Variants in PTPRN2 observed in about 807,000 individuals in gnomAD.
PTPRN2 encodes the protein protein tyrosine phosphatase receptor type N2.
A neutral mutation model predicts 118.8 loss-of-function variants in PTPRN2; 74 were observed. That is an observed-to-expected ratio of 0.62 (90% CI 0.52 to 0.76). The LOEUF is 0.76. Among genes scored for constraint, PTPRN2 ranks in the 30% least tolerant of loss-of-function variants. The probability of loss-of-function intolerance (pLI) is 0.00; values close to 1 mark genes in which losing one functional copy is unlikely to be tolerated. For missense variants in PTPRN2, 1,481 were observed against 1,394.4 expected (o/e 1.06, Z -0.99); for synonymous variants, 641 against 608.0 (o/e 1.05, Z -0.80).
chr7:157,776,222 CCTCCTTCTCATCTTCCTCCCTCCT>C (rs1803219073), intron 12 of PTPRN2, among the ~76,000 whole-genome samples: 1 of 145,464 alleles, frequency 6.9e-6, no homozygotes, highest in Admixed American at 6.8e-5. Flanking sequence ...ATCTCCTCCT[CCTCCTTCTCATCTTCCTCCCTCCT>C]CTCCCTCTCC....
At position 158,107,026 on chromosome 7, in the gene PTPRN2, A is replaced by G. The variant is rs74346267; in HGVS notation, c.1643+3803T>C. ...GTTAATATTTCTTCCCTAGGAACCCAAAACACTGACTGGGAGCTACCTCAC... is the reference window on the plus strand; with the variant it reads ...GTTAATATTTCTTCCCTAGGAACCCGAAACACTGACTGGGAGCTACCTCAC... On this transcript the variant is annotated intron_variant, in intron 10 of 22. Coordinates refer to ENST00000389418, the MANE Select transcript of PTPRN2 (RefSeq NM_002847.5). 9.4e-3 allele frequency among the ~76,000 whole-genome samples: 1,437 copies of G among 152,224 alleles called. 24 individuals are homozygous for G. Among genetic ancestry groups the G allele is most frequent in the African/African-American group, 0.033 (1,376 of 41,504 alleles).
intron 14 of PTPRN2, among the ~76,000 whole-genome samples, chr7:157,653,329 C>G (rs2530405): frequency 0.86 from 131,330 of 152,190 alleles, 56,950 homozygotes; most frequent in Admixed American, 0.91. Flanking sequence ...GTGAGGGGCA[C>G]TGAGGTGGCC....
intron 11 of PTPRN2, 92 bp downstream of exon 11, chr7:158,081,206 T>C (rs1812791999): frequency 7.8e-7 from 1 of 1,289,946 alleles, no homozygotes; most frequent in Non-Finnish European, 1.1e-6. Flanking sequence ...TGTGAGTCTC[T>C]CTCTGCCCTG....
chr7:157,870,799 C>G (rs1467901540), intron 12 of PTPRN2, among the ~76,000 whole-genome samples: 2 of 152,248 alleles, frequency 1.3e-5, no homozygotes, highest in African/African-American at 2.4e-5. Flanking sequence ...GGCCTCGTGC[C>G]AGCCTCCCGC....
intron 11 of PTPRN2, among the ~76,000 whole-genome samples, chr7:157,907,265 C>T (rs959923438): frequency 6.6e-5 from 10 of 152,194 alleles, no homozygotes; most frequent in Non-Finnish European, 1.0e-4. Flanking sequence ...CTGGGCACCA[C>T]GGGAACATTT....
intron 2 of PTPRN2, among the ~76,000 whole-genome samples, chr7:158,407,906 T>C (rs1161849364): frequency 1.3e-5 from 2 of 152,244 alleles, no homozygotes; most frequent in Admixed American, 1.3e-4. Flanking sequence ...TCTCCCACAA[T>C]GTCCAGTGAC....
chr7:157,628,709 CAGT>C (rs1803750230), intron 14 of PTPRN2, among the ~76,000 whole-genome samples: 1 of 152,146 alleles, frequency 6.6e-6, no homozygotes, highest in Non-Finnish European at 1.5e-5. Flanking sequence ...ATGGGAGACA[CAGT>C]AGAAGGTGTG....
intron 5 of PTPRN2, among the ~76,000 whole-genome samples, chr7:158,185,808 A>T (rs1017765348): frequency 2.0e-5 from 3 of 152,214 alleles, no homozygotes; most frequent in African/African-American, 7.2e-5. Context: ...TTTCTGAACC[A>T]TGGGGGAGCT....
chr7:157,718,758 C>T (rs954951834), intron 12 of PTPRN2, among the ~76,000 whole-genome samples: 3 of 150,386 alleles, frequency 2.0e-5, no homozygotes, highest in South Asian at 2.1e-4. Flanking sequence ...TCCATGGCCC[C>T]GGGGTGAGTC....
intron 2 of PTPRN2, among the ~76,000 whole-genome samples, chr7:158,333,734 AC>A (rs1320575743): frequency 1.6e-3 from 241 of 146,702 alleles, no homozygotes; most frequent in South Asian, 3.0e-3. Flanking sequence ...GGTCACTCAC[AC>A]ACATACTCTC....
At chr7:158,410,065 C>T (rs1444192388) in intron 2 of PTPRN2, among the ~76,000 whole-genome samples, 1 of 152,214 alleles carries the variant, frequency 6.6e-6, no homozygotes, top group African/African-American at 2.4e-5. Flanking sequence ...CTTCGGTTTC[C>T]TCCTACGGCT....
chr7:157,597,639 G>A (rs917533121), intron 16 of PTPRN2, among the ~76,000 whole-genome samples: 17 of 152,204 alleles, frequency 1.1e-4, no homozygotes, highest in African/African-American at 4.1e-4. Context: ...GGTGACTGTT[G>A]ATTTAGGTCT....
intron 21 of PTPRN2, among the ~76,000 whole-genome samples, chr7:157,551,649 C>T (rs1488190498): frequency 1.4e-5 from 2 of 147,538 alleles, no homozygotes; most frequent in African/African-American, 2.5e-5. Context: ...CCACACACCC[C>T]ACAGCCATCA....
intron 2 of PTPRN2, among the ~76,000 whole-genome samples, chr7:158,441,200 GAT>G (rs1817105864): frequency 6.9e-6 from 1 of 145,662 alleles, no homozygotes; most frequent in African/African-American, 2.6e-5. Flanking sequence ...TAGTGATGGT[GAT>G]GGTGGTGGTG....
Position 158,587,820 on chromosome 7 carries a change from G to T in PTPRN2, c.-151C>A. 1.3e-6 allele frequency: 1 copy of T among 752,714 alleles called. No homozygotes were observed. The highest frequency in any genetic ancestry group is 5.7e-5 in the South Asian group (1 of 17,590). 46.6% of individuals were successfully genotyped at this position (752,714 alleles called of 1,614,324 possible). On this transcript the variant is annotated 5_prime_UTR_variant, in exon 1 of 23. Transcript: ENST00000389418. ...CGACGCCGGGCCGAGCTTCAGCACC[G>T]GACAGCGCCCGGCCCCGCCCCGGCC...
chr7:158,277,737 C>T (rs1197092234), intron 3 of PTPRN2, among the ~76,000 whole-genome samples: 1 of 152,172 alleles, frequency 6.6e-6, no homozygotes, highest in Non-Finnish European at 1.5e-5. Flanking sequence ...TCCCTACTCC[C>T]TTGCCCGGCC....
chr7:157,701,989 A>G (rs1193676725), intron 12 of PTPRN2, among the ~76,000 whole-genome samples: 1 of 150,124 alleles, frequency 6.7e-6, no homozygotes, highest in Non-Finnish European at 1.5e-5. Flanking sequence ...TTTGTAAGAG[A>G]GCCGGGTAGG....
intron 6 of PTPRN2, among the ~76,000 whole-genome samples, chr7:158,149,434 C>G (rs191685880): frequency 1.3e-4 from 18 of 141,248 alleles, no homozygotes; most frequent in Middle Eastern, 3.6e-3. Context: ...TACCTTTTCT[C>G]AAGAGGTAAA....
chr7:157,984,245 C>T (rs1360528024), intron 11 of PTPRN2, among the ~76,000 whole-genome samples: 1 of 137,730 alleles, frequency 7.3e-6, no homozygotes, highest in Non-Finnish European at 1.6e-5. Context: ...ACGCCAGGCT[C>T]CACCTCCCCA....
Sources: gnomAD v4.1 joint callset for allele counts (sites outside exome capture counted in the v4.1 genomes callset) on GRCh38, gnomAD v4.1.1 for gene constraint, MANE v1.5 for transcripts, NCBI Gene and HGNC (gene_info 2026-07-23, HGNC 2026-07-21) for gene names.